ATP2C2: variants seen among roughly 807,000 people sequenced by gnomAD.
The protein encoded by ATP2C2 is ATPase secretory pathway Ca2+ transporting 2.
A neutral mutation model predicts 110.8 loss-of-function variants in ATP2C2; 171 were observed. That is an observed-to-expected ratio of 1.54 (90% CI 1.36 to 1.75). The LOEUF (loss-of-function observed/expected upper bound fraction) is 1.75, where lower values mean the gene tolerates loss of function less well. Among genes scored for constraint, ATP2C2 ranks in the 40% most tolerant of loss-of-function variants. ATP2C2 has a pLI of 0.00. For missense variants in ATP2C2, 1,963 were observed against 1,235.0 expected, an observed-to-expected ratio of 1.59 and a Z score of -8.84; for synonymous variants, 804 against 508.4, an observed-to-expected ratio of 1.58 and a Z score of -7.82.
intron 7 of ATP2C2, among the ~76,000 whole-genome samples, chr16:84,416,157 G>C (rs2080138081): frequency 6.6e-6 from 1 of 152,204 alleles, no homozygotes; most frequent in African/African-American, 2.4e-5. Flanking sequence ...CTGGGCAACA[G>C]AGCGAGAAGC....
intron 7 of ATP2C2, among the ~76,000 whole-genome samples, chr16:84,416,771 G>A (rs1048324990): frequency 2.6e-5 from 4 of 152,158 alleles, no homozygotes; most frequent in Non-Finnish European, 2.9e-5. Context: ...GCCTCTCCCC[G>A]TGTTCAGCTC....
Position 84,451,931 on chromosome 16 carries a change from G to C in ATP2C2, c.1671G>C (p.Leu557=). Residue 557 remains leucine (L), a synonymous_variant, in exon 18 of 27, where the codon CTG becomes CTC. Transcript: ENST00000262429. ...MGSLGLRVLA[L]ASGPELGRLT... is the part of the protein sequence containing the mutation. Reference sequence around the variant, plus strand: ...CCCCTCTCTCCTCAGTGCTGGCCCTGGCTTCTGGGCCCGAGCTGGGGCGGC... The same window carrying C: ...CCCCTCTCTCCTCAGTGCTGGCCCTCGCTTCTGGGCCCGAGCTGGGGCGGC... 1 of 1,614,002 alleles carries C rather than the reference G, an allele frequency of 6.2e-7. No homozygotes were observed. The highest frequency in any genetic ancestry group is 8.5e-7 in the Non-Finnish European group (1 of 1,179,984).
intron 23 of ATP2C2, 198 bp downstream of exon 23, chr16:84,459,584 C>T (rs776427427): frequency 1.3e-6 from 2 of 1,535,910 alleles, no homozygotes; most frequent in Non-Finnish European, 1.7e-6. Flanking sequence ...CCTGGGCCGG[C>T]AGAGCTGGGT....
chr16:84,388,384 C>T (rs2326254), intron 1 of ATP2C2, among the ~76,000 whole-genome samples: 51,232 of 152,114 alleles, frequency 0.34, 8,618 homozygotes, highest in East Asian at 0.44. Flanking sequence ...GAGTCCTCTA[C>T]AGAACTTGCT....
intron 1 of ATP2C2, among the ~76,000 whole-genome samples, chr16:84,384,664 C>T (rs1368705104): frequency 2.0e-5 from 3 of 152,166 alleles, no homozygotes; most frequent in African/African-American, 7.2e-5. Context: ...CATGCATGGA[C>T]GATGCTTGGC....
At chr16:84,411,827 A>G (rs1964372701) in intron 6 of ATP2C2, among the ~76,000 whole-genome samples, 1 of 152,258 alleles carries the variant, frequency 6.6e-6, no homozygotes, top group Admixed American at 6.5e-5. Context: ...TGGGCAGCTC[A>G]GCTTAGAACA....
At position 84,415,485 on chromosome 16, in the gene ATP2C2, T is replaced by C; in HGVS notation, c.518T>C (p.Leu173Pro). Residue 173 changes from leucine (L) to proline (P), a missense_variant and splice_region_variant, in exon 7 of 27, where the codon CTA becomes CCA. Physicochemically the swap from Leu to Pro is moderately conservative, Grantham distance 98. Transcript: ENST00000262429. ...TKLVPPECNC[L>P]REGKLQHLLA... is the part of the protein sequence containing the mutation. ...GCTTTTTACCATGTCAAATGCAGCC[T>C]AAGAGAAGGAAAACTCCAGCACCTG... 6.2e-7 allele frequency: 1 copy of C among 1,614,128 alleles called. No homozygotes were observed. Among genetic ancestry groups the C allele is most frequent in the Non-Finnish European group, 8.5e-7 (1 of 1,179,982 alleles).
chr16:84,422,485 C>G lies in ATP2C2; in HGVS notation c.720C>G (p.Thr240=). The G allele has an allele frequency of 6.2e-7, 1 of 1,614,136 alleles. No homozygotes were observed. The highest frequency in any genetic ancestry group is 8.5e-7 in the Non-Finnish European group (1 of 1,180,038). ...CCTTGACAGGCGGTGGGGACCTCAC[C>G]ACCCTCAGCAACATCGTCTTCATGG... is the stretch of plus-strand genomic sequence containing the variant. ...DSPLTGGGDL[T]TLSNIVFMGT... The change falls in exon 8 of 27, where the codon ACC becomes ACG. Residue 240 remains threonine (T), a synonymous_variant. Transcript: ENST00000262429.
chr16:84,372,927 C>A (rs376772483), intron 1 of ATP2C2, among the ~76,000 whole-genome samples: 15 of 151,646 alleles, frequency 9.9e-5, no homozygotes, highest in African/African-American at 2.2e-4. Flanking sequence ...TCAAGACCAA[C>A]CTGGCCAATA....
Position 84,396,122 on chromosome 16 carries a change from C to A in ATP2C2, c.100-2377C>A, listed in dbSNP as rs187800944. ...CAGGCATAACATCTTCAAGGTTCAT[C>A]CATGTTGTAGCATGTGTGGGTTTTG... On this transcript the variant is annotated intron_variant, in intron 1 of 26. Transcript: ENST00000262429. 6.6e-5 allele frequency among the ~76,000 whole-genome samples: 10 copies of A among 152,200 alleles called. No homozygotes were observed. The East Asian group carries it at 1.9e-3, about 29-fold the overall frequency.
chr16:84,431,984 C>T (rs539168449), intron 11 of ATP2C2, among the ~76,000 whole-genome samples: 116 of 152,238 alleles, frequency 7.6e-4, no homozygotes, highest in Non-Finnish European at 1.5e-3. Flanking sequence ...CCTGCAGAGG[C>T]AGGCACTGGA....
intron 6 of ATP2C2, among the ~76,000 whole-genome samples, chr16:84,412,221 T>C (rs1367963564): frequency 6.6e-6 from 1 of 152,198 alleles, no homozygotes; most frequent in African/African-American, 2.4e-5. Flanking sequence ...TTACTGCATT[T>C]TTTGCATTTT....
In ATP2C2 at chr16:84,383,858, C is replaced by T. The variant is rs540682850; in HGVS notation, c.100-14641C>T. Reference sequence around the variant, plus strand: ...CCGGCTGAGAGCAGTAGCGCAATCTCGGCTCACTGCAGCATCCAACTCTCA... The same window carrying T: ...CCGGCTGAGAGCAGTAGCGCAATCTTGGCTCACTGCAGCATCCAACTCTCA... On this transcript the variant is annotated intron_variant, in intron 1 of 26. Coordinates refer to ENST00000262429, the MANE Select transcript of ATP2C2 (RefSeq NM_014861.4). Among the ~76,000 whole-genome samples, 10 of 144,036 alleles carry T rather than the reference C, an allele frequency of 6.9e-5. No homozygotes were observed. The East Asian group carries it at 1.7e-3, about 25-fold the overall frequency. The allele number at this position is 144,036 out of a possible 152,430, so 94.5% of individuals were successfully genotyped here.
chr16:84,428,423 A>G (rs1907975128), intron 11 of ATP2C2, among the ~76,000 whole-genome samples: 1 of 152,260 alleles, frequency 6.6e-6, no homozygotes, highest in African/African-American at 2.4e-5. Flanking sequence ...TCCTATGACA[A>G]AAGCATTCAA....
chr16:84,423,449 C>A (rs1288419694), intron 10 of ATP2C2, among the ~76,000 whole-genome samples, 186 bp downstream of exon 10: 1 of 152,222 alleles, frequency 6.6e-6, no homozygotes, highest in Non-Finnish European at 1.5e-5. Flanking sequence ...GCTGCTGTAA[C>A]AAGCAGCCAC....
At position 84,375,711 on chromosome 16, in the gene ATP2C2, A is replaced by G. The variant is rs570980764; in HGVS notation, c.99+6997A>G. Among the ~76,000 whole-genome samples, 6 of 152,346 alleles carry G rather than the reference A, an allele frequency of 3.9e-5. No homozygotes were observed. The East Asian group carries it at 1.2e-3, about 29-fold the overall frequency. On this transcript the variant is annotated intron_variant, in intron 1 of 26. Transcript: ENST00000262429. ...GTCGTAATTTCTTTTGGAAAAAAAC[A>G]TACTTTTACAATGTGCAGAGAATAC...
At chr16:84,387,739 C>T (rs1021919299) in intron 1 of ATP2C2, among the ~76,000 whole-genome samples, 5 of 152,124 alleles carry the variant, frequency 3.3e-5, no homozygotes, top group South Asian at 4.2e-4. Context: ...CCCTTGAGTG[C>T]GTCTCCCAAG....
At chr16:84,463,488 G>C in intron 26 of ATP2C2, 126 bp from the exon 27 acceptor site, 1 of 767,928 alleles carries the variant, frequency 1.3e-6, no homozygotes, top group Non-Finnish European at 2.2e-6. Flanking sequence ...CTGCCTTCAG[G>C]GGAATGAAAA....
chr16:84,444,118 G>C (rs1227413015), intron 15 of ATP2C2, among the ~76,000 whole-genome samples: 2 of 135,646 alleles, frequency 1.5e-5, no homozygotes, highest in African/African-American at 2.9e-5. Context: ...AATGAGCTAT[G>C]ATCACACCAC....
Sources: allele counts gnomAD v4.1 joint callset (sites outside exome capture counted in the v4.1 genomes callset), GRCh38; gene constraint gnomAD v4.1.1; transcripts MANE v1.5; gene names NCBI Gene and HGNC (gene_info 2026-07-23, HGNC 2026-07-21).